RRM2B: variants seen among roughly 807,000 people sequenced by gnomAD.
The protein encoded by RRM2B is ribonucleotide reductase regulatory TP53 inducible subunit M2B, also known as ribonucleoside-diphosphate reductase subunit M2 B.
Under a neutral mutation model 45.9 loss-of-function variants are expected in RRM2B, and 20 were observed. That is an observed-to-expected ratio of 0.44 (90% CI 0.31 to 0.63). The LOEUF (loss-of-function observed/expected upper bound fraction) is 0.63, where lower values mean the gene tolerates loss of function less well. RRM2B is among the 30% of genes least tolerant of loss of function. RRM2B has a pLI of 0.09. For missense variants in RRM2B, 320 were observed against 414.7 expected (o/e 0.77, Z 1.98); for synonymous variants, 124 against 132.3 (o/e 0.94, Z 0.43).
chr8:102,237,912 G>T (rs1338125831), intron 1 of RRM2B, among the ~76,000 whole-genome samples: 1 of 152,150 alleles, frequency 6.6e-6, no homozygotes, highest in Non-Finnish European at 1.5e-5. Flanking sequence ...CTCTTGGGGT[G>T]GAAACGTTTG....
intron 5 of RRM2B, 147 bp from the exon 6 acceptor site, chr8:102,219,094 G>A: frequency 1.2e-6 from 1 of 811,640 alleles, no homozygotes; most frequent in African/African-American, 1.7e-5. Flanking sequence ...ATCTCCATAG[G>A]AGAAAATGCG....
chr8:102,228,067 C>T (rs932327757), intron 2 of RRM2B, among the ~76,000 whole-genome samples: 5 of 152,178 alleles, frequency 3.3e-5, no homozygotes, highest in African/African-American at 4.8e-5. Context: ...TGTTTTCCCA[C>T]TATAATGTTG....
At position 102,218,799 on chromosome 8, in the gene RRM2B, C is replaced by T. The variant is rs762387155; in HGVS notation, c.684+15G>A. The T allele has an allele frequency of 6.4e-7, 1 of 1,554,796 alleles. No homozygotes were observed. The highest frequency in any genetic ancestry group is 1.7e-5 in the Admixed American group (1 of 58,804). On this transcript the variant is annotated intron_variant, in intron 6 of 8. Coordinates refer to ENST00000251810, the MANE Select transcript of RRM2B (RefSeq NM_015713.5). ...ATGAATACAAATATAACTAGAAAAA[C>T]ATTCCATTCCTTACTTCATCTCTGC...
intron 5 of RRM2B, among the ~76,000 whole-genome samples, chr8:102,220,017 T>C (rs571002049): frequency 2.0e-5 from 3 of 152,244 alleles, no homozygotes; most frequent in Non-Finnish European, 4.4e-5. Context: ...GGAAGGAGGA[T>C]CACTTGAATG....
At chr8:102,213,457 A>T (rs1479408788) in intron 7 of RRM2B, among the ~76,000 whole-genome samples, 1 of 152,174 alleles carries the variant, frequency 6.6e-6, no homozygotes, top group Non-Finnish European at 1.5e-5. Context: ...ATACCAAAGT[A>T]CCTGTTATGC....
intron 4 of RRM2B, among the ~76,000 whole-genome samples, chr8:102,224,577 T>C (rs150322248): frequency 6.6e-6 from 1 of 152,320 alleles, no homozygotes; most frequent in East Asian, 1.9e-4. Flanking sequence ...TACATGTCCA[T>C]AGAACAGAAA....
chr8:102,219,341 T>A (rs1372713520), intron 5 of RRM2B, among the ~76,000 whole-genome samples: 1 of 152,226 alleles, frequency 6.6e-6, no homozygotes, highest in Non-Finnish European at 1.5e-5. Flanking sequence ...ACAAGTGTCT[T>A]CCTCTGAAAG....
At position 102,226,034 on chromosome 8, in the gene RRM2B, C is replaced by T; in HGVS notation, c.205G>A (p.Val69Ile). ...TGAGGGAGATCCTTTGATAAGTCGA[C>T]CTGGAATAAAAAGATTTTCAAAAAT... ...AQASFWTAEEVDLSKDLPHWN... is the reference protein window; with the variant it reads ...AQASFWTAEEIDLSKDLPHWN... The change falls in exon 3 of 9, where the codon GTC becomes ATC. Residue 69 changes from valine to isoleucine, a missense_variant and splice_region_variant. Val to Ile is a conservative substitution (Grantham distance 29). Transcript: ENST00000251810. 1 of 1,583,062 alleles carries T rather than the reference C, an allele frequency of 6.3e-7. No individual in the cohort carries two copies. Among genetic ancestry groups the T allele is most frequent in the East Asian group, 2.2e-5 (1 of 44,634 alleles).
intron 1 of RRM2B, among the ~76,000 whole-genome samples, chr8:102,235,308 A>G (rs1347777266): frequency 2.0e-5 from 3 of 152,232 alleles, no homozygotes; most frequent in Non-Finnish European, 4.4e-5. Flanking sequence ...ACAAGGGGCA[A>G]GAACAGTTAA....
intron 2 of RRM2B, among the ~76,000 whole-genome samples, chr8:102,226,724 T>C (rs1366181658): frequency 6.6e-6 from 1 of 152,174 alleles, no homozygotes; most frequent in African/African-American, 2.4e-5. Flanking sequence ...CTGAGTTTTG[T>C]TTTGTTTTGA....
intron 5 of RRM2B, among the ~76,000 whole-genome samples, chr8:102,223,023 G>A (rs1321443686): frequency 2.0e-5 from 3 of 151,918 alleles, no homozygotes; most frequent in African/African-American, 2.4e-5. Context: ...GAGTACAAAG[G>A]GGCCTGAGAC....
intron 4 of RRM2B, among the ~76,000 whole-genome samples, chr8:102,224,545 A>C (rs28928573): frequency 0.09 from 13,722 of 152,208 alleles, 669 homozygotes; most frequent in Non-Finnish European, 0.1. Context: ...ATGCTACCAG[A>C]TCTGTAGTTT....
chr8:102,223,966 G>A lies in RRM2B; in HGVS notation c.550+80C>T, dbSNP rs28928575. On this transcript the variant is annotated intron_variant, in intron 5 of 8. Coordinates refer to ENST00000251810, the MANE Select transcript of RRM2B (RefSeq NM_015713.5). ...CTTTTCCATGCTGTAACTTTGATTCGTACTGGATAGTCACACCACATAAAA... is the reference window on the plus strand; with the variant it reads ...CTTTTCCATGCTGTAACTTTGATTCATACTGGATAGTCACACCACATAAAA... The A allele has an allele frequency of 0.042, 40,913 of 975,600 alleles. 1,185 individuals are homozygous for A. The highest frequency in any genetic ancestry group is 0.11 in the Admixed American group (6,349 of 59,106). 60.4% of individuals were successfully genotyped at this position (975,600 alleles called of 1,614,324 possible). A position where few individuals can be genotyped will look rare whatever the true frequency, so the allele number is the denominator to read the frequency against.
At position 102,232,220 on chromosome 8, in the gene RRM2B, A is replaced by G; in HGVS notation, c.133T>C (p.Phe45Leu). 6.2e-7 allele frequency: 1 copy of G among 1,614,160 alleles called. No individual in the cohort carries two copies. The highest frequency in any genetic ancestry group is 2.2e-5 in the East Asian group (1 of 44,888). ...CAAATATCAGGGTACTGGATTGGAA[A>G]GATGACAAACCGGCGAGAACTCTTT... ...LRKSSRRFVI[F>L]PIQYPDIWKM... is the part of the protein sequence containing the mutation. Residue 45 changes from phenylalanine (F) to leucine (L), a missense_variant, in exon 2 of 9, where the codon TTT becomes CTT. By Grantham distance (22) the Phe-to-Leu change is conservative. This residue lies in a region of RRM2B where 225 missense variants were observed against 289.4 expected (regional missense o/e 0.78). Coordinates refer to ENST00000251810, the MANE Select transcript of RRM2B (RefSeq NM_015713.5).
intron 5 of RRM2B, among the ~76,000 whole-genome samples, chr8:102,222,362 C>T (rs1810851715): frequency 6.6e-6 from 1 of 152,188 alleles, no homozygotes; most frequent in Non-Finnish European, 1.5e-5. Context: ...AGGCGTGAGC[C>T]ACCATGCCTG....
chr8:102,225,928 T>G lies in RRM2B; in HGVS notation c.311A>C (p.Asn104Thr), dbSNP rs1810923666. The G allele has an allele frequency of 1.3e-6, 2 of 1,592,202 alleles. No individual in the cohort carries two copies. The highest frequency in any genetic ancestry group is 1.7e-6 in the Non-Finnish European group (2 of 1,160,288). Residue 104 changes from asparagine to threonine, a missense_variant, in exon 3 of 9, where the codon AAT (asparagine) becomes ACT (threonine). Around this residue, in one of 3 missense-constraint regions of RRM2B, gnomAD observed 225 missense variants for 289.4 expected, o/e 0.78. Transcript: ENST00000251810. ...AFFAASDGIV[N>T]ENLVERFSQE... ...AAGCAAAAATCTTACCAAATTTTCA[T>G]TTACAATTCCATCACTGGCTGCAAA... is the stretch of plus-strand genomic sequence containing the variant.
intron 8 of RRM2B, among the ~76,000 whole-genome samples, chr8:102,211,263 TG>T (rs1202204853): frequency 1.3e-4 from 20 of 152,350 alleles, no homozygotes; most frequent in African/African-American, 4.6e-4. Flanking sequence ...CCCAGAGTTC[TG>T]GGATTAGAGG....
rs908478159 is a variant in RRM2B, at chr8:102,219,182, C to T, written c.551-235G>A. On this transcript the variant is annotated intron_variant, in intron 5 of 8. Coordinates refer to ENST00000251810, the MANE Select transcript of RRM2B (RefSeq NM_015713.5). ...GACGATGGACTTCTGTAGGTCTTGG[C>T]GTTGGACAAAGAAGGACCTTCCATA... 3.0e-4 allele frequency among the ~76,000 whole-genome samples: 45 copies of T among 152,170 alleles called. 1 individual carries two copies. Among genetic ancestry groups the T allele is most frequent in the Admixed American group, 7.9e-4 (12 of 15,280 alleles).
intron 8 of RRM2B, among the ~76,000 whole-genome samples, chr8:102,208,569 A>G (rs551437096): frequency 2.0e-4 from 31 of 152,312 alleles, no homozygotes; most frequent in African/African-American, 7.0e-4. Context: ...TTTAATACTA[A>G]CCAATAGAAA....
Sources: gnomAD v4.1 joint callset for allele counts (sites outside exome capture counted in the v4.1 genomes callset) on GRCh38, gnomAD v4.1.1 for gene constraint, gnomAD v4.1.1 regional missense constraint, MANE v1.5 for transcripts, NCBI Gene and HGNC (gene_info 2026-07-23, HGNC 2026-07-21) for gene names.